HS3ST4: variants seen among roughly 807,000 people sequenced by gnomAD.
HS3ST4 encodes heparan sulfate-glucosamine 3-sulfotransferase 4, also known as heparan sulfate glucosamine 3-O-sulfotransferase 4.
Under a neutral mutation model 29.2 loss-of-function variants are expected in HS3ST4, and 17 were observed. That is an observed-to-expected ratio of 0.58 (90% CI 0.40 to 0.87). HS3ST4 has a LOEUF of 0.87. Among genes scored for constraint, HS3ST4 ranks in the 40% least tolerant of loss-of-function variants. HS3ST4 has a pLI of 0.00. For missense variants in HS3ST4, 627 were observed against 634.5 expected, an observed-to-expected ratio of 0.99 and a Z score of 0.13; for synonymous variants, 314 against 285.7, an observed-to-expected ratio of 1.10 and a Z score of -1.00.
intron 1 of HS3ST4, among the ~76,000 whole-genome samples, chr16:25,770,851 G>A (rs948500868): frequency 6.6e-5 from 10 of 152,100 alleles, no homozygotes; most frequent in South Asian, 2.1e-4. Context: ...TAATCATAAC[G>A]GTGAATGTCT....
In HS3ST4 at chr16:25,936,513, A is replaced by C. The variant is rs567035245; in HGVS notation, c.735-199099A>C. On this transcript the variant is annotated intron_variant, in intron 1 of 1. Coordinates refer to ENST00000331351, the MANE Select transcript of HS3ST4 (RefSeq NM_006040.3). ...AGAAAAGCCAACTTGGAATGTGTTCATGTAAAAAGAGAAAAATAAGATCTA... is the reference window on the plus strand; with the variant it reads ...AGAAAAGCCAACTTGGAATGTGTTCCTGTAAAAAGAGAAAAATAAGATCTA... 2.0e-5 allele frequency among the ~76,000 whole-genome samples: 3 copies of C among 152,390 alleles called. No homozygotes were observed. In the East Asian group the frequency reaches 5.8e-4, roughly 29 times the overall value.
chr16:26,058,398 G>A lies in HS3ST4; in HGVS notation c.735-77214G>A, dbSNP rs116693141. 4.2e-3 allele frequency among the ~76,000 whole-genome samples: 641 copies of A among 152,284 alleles called. 6 individuals carry two copies. The highest frequency in any genetic ancestry group is 0.015 in the African/African-American group (622 of 41,554). On this transcript the variant is annotated intron_variant, in intron 1 of 1. Transcript: ENST00000331351. The stretch of plus-strand genomic sequence containing the variant: ...TGCAGGCTTTTTGGTTGACTTAAAT[G>A]TGGGCTTTGGGGCAGGGCAGCAACA...
chr16:26,134,472 C>T (rs1194399417), intron 1 of HS3ST4, among the ~76,000 whole-genome samples: 1 of 150,102 alleles, frequency 6.7e-6, no homozygotes, highest in African/African-American at 2.5e-5. Context: ...AAGTGATTTT[C>T]CTGCCTCAGC....
intron 1 of HS3ST4, among the ~76,000 whole-genome samples, chr16:25,876,470 G>A (rs978903141): frequency 6.6e-6 from 1 of 152,044 alleles, no homozygotes; most frequent in Non-Finnish European, 1.5e-5. Context: ...CTCTTATTAG[G>A]ATTGCAAGAT....
At chr16:25,933,429 A>C (rs756272841) in intron 1 of HS3ST4, 6 of 512,422 alleles carry the variant, frequency 1.2e-5, no homozygotes, top group Admixed American at 7.9e-5. Flanking sequence ...TTTGAAGTGA[A>C]GTTTAGCACT....
intron 1 of HS3ST4, among the ~76,000 whole-genome samples, chr16:25,939,152 A>G (rs1453723595): frequency 2.6e-5 from 4 of 151,926 alleles, no homozygotes; most frequent in African/African-American, 9.7e-5. Flanking sequence ...CCAGGTGGGG[A>G]TGGTGGTGGG....
intron 1 of HS3ST4, among the ~76,000 whole-genome samples, chr16:26,015,738 T>A (rs1969357002): frequency 6.6e-6 from 1 of 152,188 alleles, no homozygotes; most frequent in Non-Finnish European, 1.5e-5. Context: ...TTCAGGAAAT[T>A]CTAAGGATCT....
chr16:25,881,128 G>C (rs569600409), intron 1 of HS3ST4, among the ~76,000 whole-genome samples: 46 of 152,218 alleles, frequency 3.0e-4, no homozygotes, highest in African/African-American at 1.1e-3. Context: ...GGATGTCCTA[G>C]TGGAAAAAAT....
At chr16:26,087,235 G>T (rs1273838911) in intron 1 of HS3ST4, among the ~76,000 whole-genome samples, 1 of 152,238 alleles carries the variant, frequency 6.6e-6, no homozygotes, top group Admixed American at 6.5e-5. Flanking sequence ...TGGCCATGCA[G>T]AGTGGACACT....
intron 1 of HS3ST4, among the ~76,000 whole-genome samples, chr16:25,698,120 G>C (rs974693435): frequency 2.7e-5 from 4 of 150,734 alleles, no homozygotes; most frequent in Non-Finnish European, 5.9e-5. Flanking sequence ...TTTAAAGACA[G>C]GGGTCTCACT....
chr16:26,032,952 G>T, intron 1 of HS3ST4: 1 of 711,514 alleles, frequency 1.4e-6, no homozygotes, highest in Non-Finnish European at 2.5e-6. Flanking sequence ...TTAGATTCAG[G>T]CCCAAAGTAT....
intron 1 of HS3ST4, among the ~76,000 whole-genome samples, chr16:25,712,164 GA>G (rs111494100): frequency 5.3e-5 from 8 of 151,510 alleles, no homozygotes; most frequent in African/African-American, 1.7e-4. Context: ...ATTCTTCCAG[GA>G]AAAAAAACCC....
chr16:25,840,896 T>G (rs1429020434), intron 1 of HS3ST4, among the ~76,000 whole-genome samples: 2 of 152,154 alleles, frequency 1.3e-5, no homozygotes, highest in Non-Finnish European at 2.9e-5. Flanking sequence ...TCAAGTAAGC[T>G]TATTGGTCTA....
At chr16:25,703,520 T>C (rs1387279274) in intron 1 of HS3ST4, among the ~76,000 whole-genome samples, 1 of 152,232 alleles carries the variant, frequency 6.6e-6, no homozygotes, top group Non-Finnish European at 1.5e-5. Context: ...CAAACCTAGG[T>C]GTATGGCCTC....
At chr16:25,988,721 TGGAG>T (rs1360974242) in intron 1 of HS3ST4, among the ~76,000 whole-genome samples, 2 of 150,226 alleles carry the variant, frequency 1.3e-5, no homozygotes, top group African/African-American at 4.9e-5. Context: ...GAGTGGAGGG[TGGAG>T]GGAGGGAGAG....
Position 25,862,521 on chromosome 16 carries a change from A to G in HS3ST4, c.734+169370A>G, listed in dbSNP as rs533748603. On this transcript the variant is annotated intron_variant, in intron 1 of 1. Coordinates refer to ENST00000331351, the MANE Select transcript of HS3ST4 (RefSeq NM_006040.3). ...CTATGAGAATGTAATGCCGATGCTG[A>G]TATGACAGGAGACGGAGCCCAGGCC... 1.0e-3 allele frequency among the ~76,000 whole-genome samples: 153 copies of G among 152,234 alleles called. 1 individual carries two copies. Among genetic ancestry groups the G allele is most frequent in the African/African-American group, 3.4e-3 (143 of 41,548 alleles).
chr16:26,135,533 A>T, intron 1 of HS3ST4, 79 bp from the exon 2 acceptor site: 1 of 1,387,904 alleles, frequency 7.2e-7, no homozygotes, highest in Non-Finnish European at 9.7e-7. Context: ...GGTTGTTTAT[A>T]TCACACATTT....
intron 1 of HS3ST4, among the ~76,000 whole-genome samples, chr16:25,911,750 C>A (rs1050302804): frequency 6.6e-6 from 1 of 151,994 alleles, no homozygotes; most frequent in Admixed American, 6.6e-5. Flanking sequence ...CTTGAGCGAT[C>A]CTCCTGCCTT....
intron 1 of HS3ST4, among the ~76,000 whole-genome samples, chr16:25,723,606 T>A (rs1390320075): frequency 1.3e-5 from 2 of 152,192 alleles, no homozygotes; most frequent in African/African-American, 4.8e-5. Context: ...TGCAGTAACA[T>A]CTGAAAGAAT....
Sources: gnomAD v4.1 joint callset for allele counts (sites outside exome capture counted in the v4.1 genomes callset) on GRCh38, gnomAD v4.1.1 for gene constraint, MANE v1.5 for transcripts, NCBI Gene and HGNC (gene_info 2026-07-23, HGNC 2026-07-21) for gene names.